The following AP2A1 variants were observed in gnomAD, a reference collection of about 807,000 sequenced individuals.
The protein encoded by AP2A1 is adaptor related protein complex 2 subunit alpha 1, also known as AP-2 complex subunit alpha-1.
A neutral mutation model predicts 107.3 loss-of-function variants in AP2A1; 21 were observed. The ratio of observed to expected loss-of-function variants is 0.20; its 90% CI spans 0.14 to 0.28. The LOEUF is 0.28. Ranked by LOEUF, AP2A1 falls within the 10% of genes least tolerant of loss-of-function variation. The pLI is 1.00. For missense variants in AP2A1, 873 were observed against 1,307.7 expected (o/e 0.67, Z 5.13); for synonymous variants, 602 against 564.8 (o/e 1.07, Z -0.93).
chr19:49,793,274 T>C (rs1276303215), intron 6 of AP2A1, among the ~76,000 whole-genome samples, 182 bp downstream of exon 6: 1 of 152,188 alleles, frequency 6.6e-6, no homozygotes, highest in Non-Finnish European at 1.5e-5. Context: ...ACAAGTGGCT[T>C]CACCTCCCTG....
chr19:49,790,245 C>T (rs891912025), intron 4 of AP2A1, among the ~76,000 whole-genome samples: 62 of 152,158 alleles, frequency 4.1e-4, no homozygotes, highest in African/African-American at 1.5e-3. Flanking sequence ...CCCCCATCCC[C>T]AAAGGCAGCA....
chr19:49,782,695 C>T lies in AP2A1; in HGVS notation c.444C>T (p.Ala148=), dbSNP rs376406307. 130 of 1,608,228 alleles carry T rather than the reference C, an allele frequency of 8.1e-5. No individual in the cohort carries two copies. Among genetic ancestry groups the T allele is most frequent in the East Asian group, 8.9e-5 (4 of 44,768 alleles). ...VGSREMGEAF[A]ADIPRILVAG... is the part of the protein sequence containing the mutation. ...GCCGGGAGATGGGCGAGGCCTTTGC[C>T]GCTGACATCCCCCGCATCCTGGTGG... The change falls in exon 4 of 23, where the codon GCC becomes GCT. Residue 148 remains alanine (A), a synonymous_variant. Transcript: ENST00000354293.
At chr19:49,798,189 C>T (rs536374241) in intron 7 of AP2A1, among the ~76,000 whole-genome samples, 23 of 152,328 alleles carry the variant, frequency 1.5e-4, no homozygotes, top group South Asian at 1.2e-3. Context: ...TTCTAGGAAA[C>T]GTGGTGATTG....
chr19:49,785,756 A>C lies in AP2A1; in HGVS notation c.473+3032A>C, dbSNP rs954018749. On this transcript the variant is annotated intron_variant, in intron 4 of 22. Coordinates refer to ENST00000354293, the MANE Select transcript of AP2A1 (RefSeq NM_130787.3). This position sits in a 1 kb window ranked among gnomAD's most constrained non-coding sequence, Gnocchi z 4.1. ...ACGTGGTGAAGCCCCGTCTCTACTAAAAATACAAAAATTAGTCAGGTGTGG... is the reference window on the plus strand; with the variant it reads ...ACGTGGTGAAGCCCCGTCTCTACTACAAATACAAAAATTAGTCAGGTGTGG... Among the ~76,000 whole-genome samples, 1 of 152,096 alleles carries C rather than the reference A, an allele frequency of 6.6e-6. No homozygotes were observed. Among genetic ancestry groups the C allele is most frequent in the Non-Finnish European group, 1.5e-5 (1 of 68,028 alleles).
chr19:49,787,492 T>A (rs2084756359), intron 4 of AP2A1, among the ~76,000 whole-genome samples: 1 of 150,750 alleles, frequency 6.6e-6, no homozygotes, highest in South Asian at 2.1e-4. Context: ...GGATTACAGG[T>A]GTGTGCCACC....
chr19:49,802,763 G>A (rs2073306604), intron 15 of AP2A1, 186 bp from the exon 16 acceptor site: 3 of 1,008,440 alleles, frequency 3.0e-6, no homozygotes, highest in Non-Finnish European at 4.3e-6. Context: ...GGGGGCACGG[G>A]CCAGGGTTCT....
intron 9 of AP2A1, 38 bp downstream of exon 9, chr19:49,799,533 C>A: frequency 1.2e-6 from 2 of 1,605,352 alleles, no homozygotes; most frequent in Non-Finnish European, 1.7e-6. Context: ...CCTGCCACCC[C>A]CCTCAGAAAG....
chr19:49,779,549 A>G (rs968445031), intron 1 of AP2A1, among the ~76,000 whole-genome samples: 111 of 150,678 alleles, frequency 7.4e-4, no homozygotes, highest in African/African-American at 2.6e-3. Flanking sequence ...ATATGTCTCT[A>G]TAACCCAGTA....
At position 49,767,016 on chromosome 19, in the gene AP2A1, C is replaced by A; in HGVS notation, c.-118C>A. On this transcript the variant is annotated 5_prime_UTR_variant, in exon 1 of 23. Coordinates refer to ENST00000354293, the MANE Select transcript of AP2A1 (RefSeq NM_130787.3). Reference sequence around the variant, plus strand: ...CCGCCCGCCCGCCAGCCAGCCCTCCCCGCGGCCGGCTCGGCTCCTTGGCGC... The same window carrying A: ...CCGCCCGCCCGCCAGCCAGCCCTCCACGCGGCCGGCTCGGCTCCTTGGCGC... 1 of 1,111,642 alleles carries A rather than the reference C, an allele frequency of 9.0e-7. No individual in the cohort carries two copies. The highest frequency in any genetic ancestry group is 2.1e-5 in the South Asian group (1 of 46,662). 68.9% of individuals were successfully genotyped at this position (1,111,642 alleles called of 1,614,324 possible). A position where few individuals can be genotyped will look rare whatever the true frequency, so the allele number is the denominator to read the frequency against.
At chr19:49,783,923 A>G (rs930169515) in intron 4 of AP2A1, among the ~76,000 whole-genome samples, 2 of 152,228 alleles carry the variant, frequency 1.3e-5, no homozygotes, top group East Asian at 1.9e-4. Context: ...GGGTAGTCCA[A>G]AAGCCCCTAA....
intron 7 of AP2A1, 37 bp downstream of exon 7, chr19:49,795,775 C>CCCCAGA: frequency 6.9e-7 from 1 of 1,451,914 alleles, no homozygotes; most frequent in Non-Finnish European, 9.4e-7. Flanking sequence ...CCGGGGTGGC[C>CCCCAGA]TGCTGCTGGC....
intron 1 of AP2A1, among the ~76,000 whole-genome samples, chr19:49,775,624 G>C (rs897875007): frequency 2.0e-5 from 3 of 152,044 alleles, no homozygotes; most frequent in African/African-American, 7.2e-5. Flanking sequence ...GCTGGTCTCA[G>C]ATTCCTGGGC....
chr19:49,772,588 C>T lies in AP2A1; in HGVS notation c.67+5388C>T, dbSNP rs575088052. Among the ~76,000 whole-genome samples, 224 of 151,756 alleles carry T rather than the reference C, an allele frequency of 1.5e-3. 2 individuals are homozygous for T. Among genetic ancestry groups the T allele is most frequent in the African/African-American group, 5.2e-3 (214 of 41,350 alleles). On this transcript the variant is annotated intron_variant, in intron 1 of 22. Transcript: ENST00000354293. ...TCGGCTCACTGCAAGTTCTGCCTCC[C>T]GGGTTCATGCCATTCTCCTGCCTCA... is the stretch of plus-strand genomic sequence containing the variant.
Position 49,767,082 on chromosome 19 carries a change from C to T in AP2A1, c.-52C>T. On this transcript the variant is annotated 5_prime_UTR_variant, in exon 1 of 23. Transcript: ENST00000354293. ...CCGCCCGGTCCCCGCTTGCCAGCCC[C>T]CGCTGCTCTGTGCCCTGTCCGGCCA... is the stretch of plus-strand genomic sequence containing the variant. 1.3e-6 allele frequency: 2 copies of T among 1,593,486 alleles called. No individual in the cohort carries two copies. The highest frequency in any genetic ancestry group is 1.1e-5 in the South Asian group (1 of 89,332).
At chr19:49,806,387 T>C in intron 22 of AP2A1, 134 bp downstream of exon 22, 2 of 1,439,136 alleles carry the variant, frequency 1.4e-6, no homozygotes, top group Non-Finnish European at 1.8e-6. Context: ...CTTTGTCCAC[T>C]TTTACTCCTC....
chr19:49,795,986 A>C, intron 7 of AP2A1: 2 of 510,424 alleles, frequency 3.9e-6, no homozygotes, highest in East Asian at 3.3e-5. Flanking sequence ...CCGGGCTCTC[A>C]CTCCAGCCCT....
At chr19:49,774,213 G>A (rs771979495) in intron 1 of AP2A1, among the ~76,000 whole-genome samples, 3 of 152,188 alleles carry the variant, frequency 2.0e-5, no homozygotes, top group Admixed American at 1.3e-4. Flanking sequence ...CCACAAATCC[G>A]CATTCAACAC....
At chr19:49,802,825 T>G in intron 15 of AP2A1, 124 bp from the exon 16 acceptor site, 1 of 1,212,628 alleles carries the variant, frequency 8.2e-7, no homozygotes, top group Non-Finnish European at 1.2e-6. Context: ...CGAGGCTCTG[T>G]GAGGGGTCTG....
chr19:49,792,069 G>T lies in AP2A1; in HGVS notation c.603+5G>T. 1 of 1,610,956 alleles carries T rather than the reference G, an allele frequency of 6.2e-7. No homozygotes were observed. On this transcript the variant is annotated splice_donor_5th_base_variant and intron_variant, in intron 5 of 22. Transcript: ENST00000354293. ...CTGCTCAATGACCAGCACATGGTGA[G>T]CCCCCAGCCCTCACACCCCCGGATA...
Sources: gnomAD v4.1 joint callset for allele counts (sites outside exome capture counted in the v4.1 genomes callset) on GRCh38, gnomAD v4.1.1 for gene constraint, Gnocchi (gnomAD v3.1) non-coding constraint, MANE v1.5 for transcripts, NCBI Gene and HGNC (gene_info 2026-07-23, HGNC 2026-07-21) for gene names.